Variants in KIFAP3 observed in about 807,000 individuals in gnomAD.
KIFAP3 encodes kinesin-associated protein 3.
In KIFAP3, 68 loss-of-function variants were observed where a neutral mutation model predicts 106.5. That is an observed-to-expected ratio of 0.64 (90% CI 0.53 to 0.78). The LOEUF (loss-of-function observed/expected upper bound fraction) is 0.78, where lower values mean the gene tolerates loss of function less well. Ranked by LOEUF, KIFAP3 falls within the 30% of genes least tolerant of loss-of-function variation. The pLI, the probability that KIFAP3 is intolerant of heterozygous loss-of-function variation, is 0.00. For missense variants in KIFAP3, 780 were observed against 941.8 expected, an observed-to-expected ratio of 0.83 and a Z score of 2.25; for synonymous variants, 320 against 311.5, an observed-to-expected ratio of 1.03 and a Z score of -0.29.
chr1:169,968,141 T>C (rs1184209418), intron 17 of KIFAP3, among the ~76,000 whole-genome samples: 1 of 151,960 alleles, frequency 6.6e-6, no homozygotes, highest in Admixed American at 6.6e-5. Flanking sequence ...CTTCTCTTCT[T>C]AGCTCCTGAC....
chr1:169,924,032 C>T (rs1662983146), intron 19 of KIFAP3, among the ~76,000 whole-genome samples: 1 of 152,142 alleles, frequency 6.6e-6, no homozygotes, highest in African/African-American at 2.4e-5. Flanking sequence ...CTATTGATCA[C>T]TGTAATTTCC....
intron 10 of KIFAP3, among the ~76,000 whole-genome samples, chr1:170,005,608 C>CA (rs201547797): frequency 0.023 from 3,457 of 147,378 alleles, 69 homozygotes; most frequent in Non-Finnish European, 0.037. Context: ...ATCGCAAGTA[C>CA]AAAAAACCAA....
At chr1:170,056,652 A>C (rs1189916397) in intron 1 of KIFAP3, among the ~76,000 whole-genome samples, 1 of 152,232 alleles carries the variant, frequency 6.6e-6, no homozygotes, top group African/African-American at 2.4e-5. Context: ...GTTGGAAATA[A>C]TACTTTGACT....
chr1:169,992,185 T>G lies in KIFAP3; in HGVS notation c.1254A>C (p.Ser418=). ...YHISMDDRFK[S]MFAYTDCIPQ... ...GTATACAGTCAGTGTATGCAAACAT[T>G]GATTTAAAGCGGTCATCCATGCTTA... Residue 418 remains serine (S), a synonymous_variant, in exon 11 of 20, where the codon TCA becomes TCC. Transcript: ENST00000361580. 6.3e-7 allele frequency: 1 copy of G among 1,579,336 alleles called. No homozygotes were observed. Among genetic ancestry groups the G allele is most frequent in the Non-Finnish European group, 8.6e-7 (1 of 1,163,796 alleles).
chr1:170,036,526 C>T (rs1176586401), intron 5 of KIFAP3, among the ~76,000 whole-genome samples: 2 of 151,972 alleles, frequency 1.3e-5, no homozygotes, highest in Non-Finnish European at 2.9e-5. Context: ...ATAGTACATG[C>T]TTTGAAAAAA....
intron 11 of KIFAP3, among the ~76,000 whole-genome samples, chr1:169,984,985 A>G (rs1183012517): frequency 1.3e-5 from 2 of 151,902 alleles, no homozygotes; most frequent in East Asian, 3.8e-4. Flanking sequence ...ATTGTTTGGA[A>G]GCAGAGCATT....
chr1:169,934,557 G>C (rs1166708646), intron 19 of KIFAP3, among the ~76,000 whole-genome samples: 1 of 152,038 alleles, frequency 6.6e-6, no homozygotes, highest in Non-Finnish European at 1.5e-5. Context: ...TGCCAGTGTT[G>C]GCTTCTCTTA....
chr1:169,926,291 C>G (rs1487648685), intron 19 of KIFAP3, among the ~76,000 whole-genome samples: 1 of 152,184 alleles, frequency 6.6e-6, no homozygotes, highest in African/African-American at 2.4e-5. Context: ...TTTGATATGA[C>G]TGCTTCACAA....
intron 1 of KIFAP3, among the ~76,000 whole-genome samples, chr1:170,059,363 C>T (rs1266005986): frequency 2.0e-5 from 3 of 152,144 alleles, no homozygotes; most frequent in Non-Finnish European, 4.4e-5. Context: ...AAACTATCAT[C>T]AGAGAATACT....
chr1:170,035,290 T>TA (rs1421324634), intron 6 of KIFAP3, among the ~76,000 whole-genome samples, 164 bp downstream of exon 6: 6 of 152,084 alleles, frequency 3.9e-5, no homozygotes, highest in South Asian at 4.1e-4. Flanking sequence ...GAATAACAGA[T>TA]AGCAAGACAG....
Position 169,935,367 on chromosome 1 carries a change from C to T in KIFAP3, c.2274-13586G>A, listed in dbSNP as rs535365447. 3.2e-4 allele frequency among the ~76,000 whole-genome samples: 48 copies of T among 152,136 alleles called. 1 individual carries two copies. In the South Asian group the frequency reaches 9.5e-3, roughly 30 times the overall value. ...AATTAGCCACTTGATACTGTCTACA[C>T]AAATCTGGATTCCTTTTTAAGATCG... is the stretch of plus-strand genomic sequence containing the variant. On this transcript the variant is annotated intron_variant, in intron 19 of 19. Coordinates refer to ENST00000361580, the MANE Select transcript of KIFAP3 (RefSeq NM_014970.4).
Position 169,973,105 on chromosome 1 carries a change from G to GTGTATATATATATATATATATATATATA in KIFAP3, c.1898-508_1898-507insTATATATATATATATATATATATATACA, listed in dbSNP as rs145406203. 4.0e-3 allele frequency among the ~76,000 whole-genome samples: 356 copies of GTGTATATATATATATATATATATATATA among 90,124 alleles called. 27 individuals carry two copies. Among genetic ancestry groups the GTGTATATATATATATATATATATATATA allele is most frequent in the African/African-American group, 7.4e-3 (161 of 21,810 alleles). The allele number at this position is 90,124 out of a possible 152,430, so 59.1% of individuals were successfully genotyped here. A position where few individuals can be genotyped will look rare whatever the true frequency, so the allele number is the denominator to read the frequency against. On this transcript the variant is annotated intron_variant, in intron 16 of 19. Transcript: ENST00000361580. ...ATAAAAATAATTTAAAAAATAGTGT[G>GTGTATATATATATATATATATATATATA]TATATATATATATATATAAACAACA...
At chr1:169,977,907 C>T (rs1284103064) in intron 16 of KIFAP3, among the ~76,000 whole-genome samples, 178 bp downstream of exon 16, 1 of 151,780 alleles carries the variant, frequency 6.6e-6, no homozygotes, top group Non-Finnish European at 1.5e-5. Flanking sequence ...TTATATTCTA[C>T]CTATATACTG....
chr1:170,000,347 A>G (rs1345445223), intron 10 of KIFAP3, among the ~76,000 whole-genome samples: 1 of 152,160 alleles, frequency 6.6e-6, no homozygotes, highest in Non-Finnish European at 1.5e-5. Context: ...AAAAGATAAT[A>G]GAAGTGGGAA....
Position 170,055,406 on chromosome 1 carries a change from A to T in KIFAP3, c.63T>A (p.His21Gln). 6.2e-7 allele frequency: 1 copy of T among 1,604,588 alleles called. No homozygotes were observed. Among genetic ancestry groups the T allele is most frequent in the Non-Finnish European group, 8.5e-7 (1 of 1,174,102 alleles). ...RKVKGGNIDV[H>Q]PSEKALIVHY... ...GAACAATGAGTGCTTTTTCTGATGG[A>T]TGTACATCTATATTCCCTCCTTTAA... The change falls in exon 2 of 20, where the codon CAT (histidine) becomes CAA (glutamine). Residue 21 changes from histidine to glutamine, a missense_variant. This residue lies in a region of KIFAP3 where 588 missense variants were observed against 678.9 expected (regional missense o/e 0.87). Coordinates refer to ENST00000361580, the MANE Select transcript of KIFAP3 (RefSeq NM_014970.4).
intron 17 of KIFAP3, among the ~76,000 whole-genome samples, chr1:169,969,341 T>C (rs1345971190): frequency 6.6e-6 from 1 of 152,042 alleles, no homozygotes; most frequent in Non-Finnish European, 1.5e-5. Context: ...AGATTATTAA[T>C]AAGACCACCT....
At chr1:169,985,487 C>T (rs1295180031) in intron 11 of KIFAP3, among the ~76,000 whole-genome samples, 1 of 151,784 alleles carries the variant, frequency 6.6e-6, no homozygotes, top group Non-Finnish European at 1.5e-5. Flanking sequence ...TGAGAAATGA[C>T]ATACATGGTG....
rs552112260 is a variant in KIFAP3 at position 170,021,731 on chromosome 1, C to A, written c.1020+2687G>T. ...CTGGAATTACAGATGTGAGCCACCA[C>A]ACCCAGCCCGTTATTAATTTGTATT... On this transcript the variant is annotated intron_variant, in intron 9 of 19. Transcript: ENST00000361580. Among the ~76,000 whole-genome samples the A allele has an allele frequency of 2.0e-5, 3 of 151,806 alleles. No homozygotes were observed. The East Asian group carries it at 5.8e-4, about 30-fold the overall frequency.
chr1:170,032,023 C>CA (rs751451798), intron 7 of KIFAP3, 39 bp from the exon 8 acceptor site: 61 of 1,098,208 alleles, frequency 5.6e-5, no homozygotes, highest in Middle Eastern at 2.3e-4. Flanking sequence ...CTCATTGAAG[C>CA]AAAAAAAATC....
Sources: allele counts gnomAD v4.1 joint callset (sites outside exome capture counted in the v4.1 genomes callset), GRCh38; gene constraint gnomAD v4.1.1; regional missense constraint gnomAD v4.1.1; transcripts MANE v1.5; gene names NCBI Gene and HGNC (gene_info 2026-07-23, HGNC 2026-07-21).